The following LRRC4C variants were observed in gnomAD, a reference collection of about 807,000 sequenced individuals.
LRRC4C encodes leucine-rich repeat-containing protein 4C.
In LRRC4C, 5 loss-of-function variants were observed where a neutral mutation model predicts 33.6. That is an observed-to-expected ratio of 0.15 (90% CI 0.08 to 0.31). The LOEUF is 0.31. Ranked by LOEUF, LRRC4C falls within the 10% of genes least tolerant of loss-of-function variation. The pLI is 1.00. For synonymous variants in LRRC4C, 329 were observed against 302.0 expected (o/e 1.09, Z -0.93); for missense variants, 560 against 796.7 (o/e 0.70, Z 3.58).
intron 2 of LRRC4C, among the ~76,000 whole-genome samples, chr11:40,788,868 G>A (rs949028285): frequency 1.3e-5 from 2 of 151,944 alleles, no homozygotes; most frequent in Admixed American, 6.6e-5. Context: ...CGAGGCAGGC[G>A]GATCATGATG....
Position 41,067,130 on chromosome 11 carries a change from TAA to T in LRRC4C, c.-495-133409_-495-133408del, listed in dbSNP as rs547650149. 1.4e-3 allele frequency among the ~76,000 whole-genome samples: 213 copies of T among 152,204 alleles called. 1 individual carries two copies. The highest frequency in any genetic ancestry group is 0.012 in the South Asian group (56 of 4,832). ...AAAAGACAGAGACTGGCAAATTGAA[TAA>T]AGAGTCAAGACCCATCAATGTGCGG... On this transcript the variant is annotated intron_variant, in intron 1 of 6. Coordinates refer to ENST00000528697, the MANE Select transcript of LRRC4C (RefSeq NM_001258419.2).
At chr11:40,804,654 G>T (rs1310761718) in intron 2 of LRRC4C, among the ~76,000 whole-genome samples, 1 of 152,134 alleles carries the variant, frequency 6.6e-6, no homozygotes, top group East Asian at 1.9e-4. Context: ...CTAATTTGCA[G>T]TTGGATAAAT....
intron 3 of LRRC4C, among the ~76,000 whole-genome samples, chr11:40,507,553 G>T (rs1955093433): frequency 6.6e-6 from 1 of 151,954 alleles, no homozygotes; most frequent in Non-Finnish European, 1.5e-5. Context: ...TTTGAAAAAG[G>T]TATGGTAACG....
chr11:40,882,074 C>T (rs1304763739), intron 2 of LRRC4C, among the ~76,000 whole-genome samples: 4 of 151,912 alleles, frequency 2.6e-5, no homozygotes, highest in East Asian at 1.9e-4. Flanking sequence ...GCTGTGCCAT[C>T]GAGGCATGAA....
chr11:40,433,162 A>G (rs966862090), intron 3 of LRRC4C, among the ~76,000 whole-genome samples: 5 of 152,320 alleles, frequency 3.3e-5, no homozygotes, highest in African/African-American at 9.6e-5. Flanking sequence ...CTACTATGCA[A>G]ATAGCATTTA....
At chr11:40,678,432 C>T (rs1170683103) in intron 2 of LRRC4C, among the ~76,000 whole-genome samples, 1 of 151,928 alleles carries the variant, frequency 6.6e-6, no homozygotes, top group Non-Finnish European at 1.5e-5. Context: ...ATATTTTGGC[C>T]CAACTGATTT....
intron 1 of LRRC4C, among the ~76,000 whole-genome samples, chr11:40,943,594 T>C (rs1207932754): frequency 6.6e-6 from 1 of 152,134 alleles, no homozygotes; most frequent in Non-Finnish European, 1.5e-5. Context: ...TTAGACAGAG[T>C]ATTACAGCCA....
At chr11:40,877,267 C>T (rs73472678) in intron 2 of LRRC4C, among the ~76,000 whole-genome samples, 4 of 152,164 alleles carry the variant, frequency 2.6e-5, no homozygotes, top group South Asian at 4.1e-4. Flanking sequence ...TATGCACATA[C>T]GGACACAAAA....
intron 3 of LRRC4C, among the ~76,000 whole-genome samples, chr11:40,622,693 A>C (rs1962568322): frequency 6.6e-6 from 1 of 151,920 alleles, no homozygotes; most frequent in South Asian, 2.1e-4. Flanking sequence ...GAAGCAGTAC[A>C]GAGTGGAAAA....
chr11:40,791,887 A>G (rs995927239), intron 2 of LRRC4C, among the ~76,000 whole-genome samples: 1 of 152,158 alleles, frequency 6.6e-6, no homozygotes, highest in Non-Finnish European at 1.5e-5. Flanking sequence ...ATTCAGGAAG[A>G]TAAGGCTATG....
chr11:40,479,800 CAT>C (rs1365175371), intron 3 of LRRC4C, among the ~76,000 whole-genome samples: 5 of 152,126 alleles, frequency 3.3e-5, no homozygotes, highest in African/African-American at 9.6e-5. Context: ...GAGGTAACCA[CAT>C]AGTTTTCTTT....
At chr11:40,503,951 T>C (rs1176195172) in intron 3 of LRRC4C, among the ~76,000 whole-genome samples, 1 of 152,098 alleles carries the variant, frequency 6.6e-6, no homozygotes, top group Admixed American at 6.6e-5. Flanking sequence ...TTTCCAGAGA[T>C]TGGCAGTAAA....
intron 3 of LRRC4C, among the ~76,000 whole-genome samples, chr11:40,608,480 A>G (rs1331577514): frequency 6.6e-6 from 1 of 152,118 alleles, no homozygotes; most frequent in Non-Finnish European, 1.5e-5. Context: ...AAGGAGAGAC[A>G]AAAAGCTACA....
chr11:41,324,098 T>G (rs1951035773), intron 1 of LRRC4C, among the ~76,000 whole-genome samples: 1 of 152,182 alleles, frequency 6.6e-6, no homozygotes, highest in South Asian at 2.1e-4. Context: ...AATTACAACA[T>G]CCCTAGGAAA....
At chr11:40,528,382 G>A (rs1246657184) in intron 3 of LRRC4C, among the ~76,000 whole-genome samples, 1 of 151,904 alleles carries the variant, frequency 6.6e-6, no homozygotes. Flanking sequence ...TGGCCAATAA[G>A]TATTATAAAA....
intron 4 of LRRC4C, among the ~76,000 whole-genome samples, chr11:40,278,122 G>A (rs2136417230): frequency 6.6e-6 from 1 of 152,292 alleles, no homozygotes; most frequent in African/African-American, 2.4e-5. Flanking sequence ...GGAACACACA[G>A]TATTAAGACT....
At chr11:41,263,052 G>A (rs1949034348) in intron 1 of LRRC4C, among the ~76,000 whole-genome samples, 1 of 152,016 alleles carries the variant, frequency 6.6e-6, no homozygotes, top group South Asian at 2.1e-4. Flanking sequence ...CCATGTTTTG[G>A]TCACACAGGA....
rs1416563207 is a variant in LRRC4C, at chr11:40,160,012, C to T, written c.-95-19159G>A. ...GAGACTACACCTCTACGTGTTATTA[C>T]ATGAATAACAGAATGTTGAAATGAA... On this transcript the variant is annotated intron_variant, in intron 5 of 6. Coordinates refer to ENST00000528697, the MANE Select transcript of LRRC4C (RefSeq NM_001258419.2). Among the ~76,000 whole-genome samples, 5 of 152,220 alleles carry T rather than the reference C, an allele frequency of 3.3e-5. No individual in the cohort carries two copies. The East Asian group carries it at 7.7e-4, about 24-fold the overall frequency.
intron 3 of LRRC4C, among the ~76,000 whole-genome samples, chr11:40,353,651 T>A (rs1317682579): frequency 6.6e-6 from 1 of 152,022 alleles, no homozygotes; most frequent in Non-Finnish European, 1.5e-5. Context: ...GAGGTGGGGG[T>A]TGCAGTGACC....
Sources: allele counts gnomAD v4.1 joint callset (sites outside exome capture counted in the v4.1 genomes callset), GRCh38; gene constraint gnomAD v4.1.1; transcripts MANE v1.5; gene names NCBI Gene and HGNC (gene_info 2026-07-23, HGNC 2026-07-21).